Variants in MYH15 observed in about 807,000 individuals in gnomAD.
MYH15 encodes the protein myosin heavy chain 15, also known as myosin-15.
Under a neutral mutation model 240.5 loss-of-function variants are expected in MYH15, and 227 were observed. The ratio of observed to expected loss-of-function variants is 0.94; its 90% confidence interval spans 0.85 to 1.05. The LOEUF (loss-of-function observed/expected upper bound fraction) is 1.05, where lower values mean the gene tolerates loss of function less well. MYH15 is among the 50% of genes least tolerant of loss of function. MYH15 has a pLI of 0.00. For missense variants in MYH15, 2,217 were observed against 2,247.5 expected, an observed-to-expected ratio of 0.99 and a Z score of 0.27; for synonymous variants, 785 against 796.7, an observed-to-expected ratio of 0.99 and a Z score of 0.25.
rs772374911 is a variant in MYH15, at chr3:108,470,715, C to T, written c.1366G>A (p.Gly456Ser). The change falls in exon 13 of 41, where the codon GGT becomes AGT. Residue 456 changes from glycine (G) to serine (S), a missense_variant. Gly to Ser is a moderately conservative substitution (Grantham distance 56). Coordinates refer to ENST00000693548, the MANE Select transcript of MYH15 (RefSeq NM_014981.3). ...ACACTTACCTCAAGGATTTCAAAAC[C>T]AGTGATGTCAAGAATGCCAATGAAG... is the stretch of plus-strand genomic sequence containing the variant. ...QFFIGILDIT[G>S]FEILEYNSLE... The T allele has an allele frequency of 1.9e-6, 3 of 1,613,612 alleles. No homozygotes were observed. The highest frequency in any genetic ancestry group is 1.1e-5 in the South Asian group (1 of 91,028).
chr3:108,500,190 C>G lies in MYH15; in HGVS notation c.424G>C (p.Gly142Arg). 6.2e-7 allele frequency: 1 copy of G among 1,614,074 alleles called. No homozygotes were observed. Among genetic ancestry groups the G allele is most frequent in the African/African-American group, 1.3e-5 (1 of 75,026 alleles). ...GGGGGAGCCTCTGATCGCCTCTTCCCTTTGTAGGCGGCCATGACTTCTTTC... is the reference window on the plus strand; with the variant it reads ...GGGGGAGCCTCTGATCGCCTCTTCCGTTTGTAGGCGGCCATGACTTCTTTC... The part of the protein sequence containing the change: ...YQKEVMAAYK[G>R]KRRSEAPPHI... Residue 142 changes from glycine to arginine, a missense_variant, in exon 4 of 41, where the codon GGG becomes CGG. Transcript: ENST00000693548.
rs2082334133 is a variant in MYH15, at chr3:108,380,460, G to A, written c.*1085C>T. The A allele has an allele frequency of 6.6e-6, 1 of 152,462 alleles. No homozygotes were observed. Among genetic ancestry groups the A allele is most frequent in the South Asian group, 2.1e-4 (1 of 4,834 alleles). The allele number at this position is 152,462 out of a possible 1,614,324, so 9.4% of individuals were successfully genotyped here. ...GGCCAGGCTGTTCCCTCTGCATCTG[G>A]TTCTGGGCCTGAAGTCACTGTAGGT... On this transcript the variant is annotated 3_prime_UTR_variant, in exon 41 of 41. Coordinates refer to ENST00000693548, the MANE Select transcript of MYH15 (RefSeq NM_014981.3).
chr3:108,430,951 T>G, intron 25 of MYH15, 29 bp from the exon 26 acceptor site: 1 of 1,418,692 alleles, frequency 7.0e-7, no homozygotes, highest in South Asian at 1.2e-5. Context: ...CAAATACAAT[T>G]GTTCAGAATA....
At chr3:108,512,045 T>C (rs2083525870), upstream of MYH15, among the ~76,000 whole-genome samples, 1 of 152,146 alleles carries the variant, frequency 6.6e-6, no homozygotes, top group South Asian at 2.1e-4. Flanking sequence ...TCTTAATGTA[T>C]AGGAACATTT....
At chr3:108,485,012 A>C in intron 11 of MYH15, 79 bp downstream of exon 11, 1 of 1,438,000 alleles carries the variant, frequency 7.0e-7, no homozygotes, top group South Asian at 1.4e-5. Flanking sequence ...TAAGAGATGA[A>C]GTTAACTGCA....
Position 108,517,009 on chromosome 3 carries a change from C to T in MYH15, c.-57-6422G>A, listed in dbSNP as rs557044890. Among the ~76,000 whole-genome samples the T allele has an allele frequency of 5.3e-5, 8 of 152,232 alleles. No individual in the cohort carries two copies. In the South Asian group the frequency reaches 1.7e-3, roughly 32 times the overall value. On this transcript the variant is annotated intron_variant, in intron 1 of 41. Transcript: ENST00000273353. The stretch of plus-strand genomic sequence containing the variant: ...TCTAATGATCTCCTGAAGAGAAATC[C>T]TAATTGTGTGCTTTTCAGTCTCTAA...
At chr3:108,481,675 C>T (rs1228359852) in intron 11 of MYH15, among the ~76,000 whole-genome samples, 1 of 151,952 alleles carries the variant, frequency 6.6e-6, no homozygotes, top group Non-Finnish European at 1.5e-5. Flanking sequence ...TCCAAGAGGC[C>T]AGGACATGTG....
intron 38 of MYH15, 36 bp from the exon 39 acceptor site, chr3:108,384,818 G>C (rs13096872): frequency 2.5e-6 from 4 of 1,580,852 alleles, no homozygotes; most frequent in East Asian, 4.5e-5. Context: ...AGGTGATTCA[G>C]AGGATCCAGC....
intron 12 of MYH15, among the ~76,000 whole-genome samples, chr3:108,472,888 T>G (rs1390027750): frequency 6.6e-6 from 1 of 152,218 alleles, no homozygotes; most frequent in Admixed American, 6.5e-5. Context: ...TTTCAAGGGT[T>G]AAATGCACCC....
chr3:108,499,310 T>A (rs769674752), intron 5 of MYH15, 145 bp downstream of exon 5: 59 of 834,374 alleles, frequency 7.1e-5, no homozygotes, highest in Non-Finnish European at 1.1e-4. Flanking sequence ...TTCCTGAGTA[T>A]CTTTTTCTTA....
intron 22 of MYH15, 102 bp from the exon 23 acceptor site, chr3:108,441,362 C>A (rs1312798749): frequency 1.5e-6 from 2 of 1,318,570 alleles, no homozygotes; most frequent in East Asian, 4.6e-5. Flanking sequence ...TGCCTGCCCT[C>A]TGCCCAGCAC....
chr3:108,458,272 A>AAC (rs1461423313), intron 18 of MYH15, among the ~76,000 whole-genome samples: 2 of 152,238 alleles, frequency 1.3e-5, no homozygotes, highest in Non-Finnish European at 2.9e-5. Context: ...AATTGCTCCA[A>AAC]AATAGAACTC....
At chr3:108,453,978 G>A (rs1232930853) in intron 21 of MYH15, 28 bp downstream of exon 21, 3 of 1,601,064 alleles carry the variant, frequency 1.9e-6, no homozygotes, top group Non-Finnish European at 2.6e-6. Context: ...TACCCTAGCA[G>A]TTGGGGAGCA....
chr3:108,468,940 C>T (rs1009177157), intron 14 of MYH15, among the ~76,000 whole-genome samples: 1 of 152,098 alleles, frequency 6.6e-6, no homozygotes, highest in Non-Finnish European at 1.5e-5. Context: ...TCTTATAAGG[C>T]CAGAATACAT....
At chr3:108,451,238 G>C (rs9824008) in intron 21 of MYH15, among the ~76,000 whole-genome samples, 32,068 of 152,036 alleles carry the variant, frequency 0.21, 4,353 homozygotes, top group Non-Finnish European at 0.31. Flanking sequence ...CATTTAGCCA[G>C]GTGTGGAGGC....
At chr3:108,475,944 C>T (rs188365271) in intron 12 of MYH15, among the ~76,000 whole-genome samples, 4 of 152,182 alleles carry the variant, frequency 2.6e-5, no homozygotes, top group Non-Finnish European at 5.9e-5. Context: ...CACACACCTC[C>T]TTTCAAATAT....
chr3:108,500,619 G>T (rs2083429319), intron 3 of MYH15, among the ~76,000 whole-genome samples: 1 of 152,162 alleles, frequency 6.6e-6, no homozygotes, highest in African/African-American at 2.4e-5. Flanking sequence ...GCCTCAGCAA[G>T]ATTAGGGGTT....
intron 9 of MYH15, among the ~76,000 whole-genome samples, chr3:108,491,873 G>T (rs1206411885): frequency 1.3e-5 from 2 of 151,948 alleles, no homozygotes; most frequent in African/African-American, 4.8e-5. Flanking sequence ...ACCAGAAGTA[G>T]CCTCCACTCT....
the MYH15 span, among the ~76,000 whole-genome samples, chr3:108,537,315 G>C: frequency 3.3e-5 from 5 of 152,264 alleles, no homozygotes; most frequent in South Asian, 1.0e-3. Flanking sequence ...CATGGGTGAT[G>C]TCTATTCCTC....
Sources: gnomAD v4.1 joint callset for allele counts (sites outside exome capture counted in the v4.1 genomes callset) on GRCh38, gnomAD v4.1.1 for gene constraint, MANE v1.5 for transcripts, NCBI Gene and HGNC (gene_info 2026-07-23, HGNC 2026-07-21) for gene names.